The following STARD9 variants were observed in gnomAD, a reference collection of about 807,000 sequenced individuals.
STARD9 encodes the protein StAR related lipid transfer domain containing 9.
In STARD9, 346 loss-of-function variants were observed where a neutral mutation model predicts 399.8. That is an observed-to-expected ratio of 0.87 (90% CI 0.79 to 0.95). The LOEUF is 0.95. STARD9 is among the 40% of genes least tolerant of loss of function. The probability of loss-of-function intolerance (pLI) is 0.00; values close to 1 mark genes in which losing one functional copy is unlikely to be tolerated. For synonymous variants in STARD9, 2,203 were observed against 2,143.5 expected (o/e 1.03, Z -0.77); for missense variants, 5,832 against 5,667.5 (o/e 1.03, Z -0.93).
intron 9 of STARD9, among the ~76,000 whole-genome samples, chr15:42,660,584 C>CG (rs2059975211): frequency 8.2e-6 from 1 of 122,638 alleles, no homozygotes; most frequent in East Asian, 2.3e-4. Context: ...AACAGACAAA[C>CG]AAAAAAAAAA....
intron 12 of STARD9, 29 bp downstream of exon 12, chr15:42,663,519 G>T (rs941564374): frequency 7.9e-6 from 12 of 1,526,262 alleles, no homozygotes; most frequent in African/African-American, 2.7e-5. Context: ...CTGGACCTGT[G>T]TTGGGACTGG....
intron 3 of STARD9, among the ~76,000 whole-genome samples, chr15:42,612,799 C>T (rs559458138): frequency 3.9e-5 from 6 of 152,236 alleles, no homozygotes; most frequent in African/African-American, 1.2e-4. Flanking sequence ...GCCTGGCCAA[C>T]GTGGTGAAAC....
At chr15:42,602,840 C>T (rs1566866314) in intron 3 of STARD9, among the ~76,000 whole-genome samples, 1 of 152,192 alleles carries the variant, frequency 6.6e-6, no homozygotes, top group African/African-American at 2.4e-5. Flanking sequence ...GAAGCCAAGA[C>T]CCCCAACTCC....
At chr15:42,618,936 C>G (rs2059029304) in intron 3 of STARD9, among the ~76,000 whole-genome samples, 3 of 151,842 alleles carry the variant, frequency 2.0e-5, no homozygotes, top group Admixed American at 2.0e-4. Context: ...TAATCTTTTC[C>G]TATCTTAATC....
rs1014471053 is a variant in STARD9, at chr15:42,687,958, A to G, written c.6380A>G (p.Asp2127Gly). The G allele has an allele frequency of 1.3e-6, 2 of 1,537,272 alleles. No homozygotes were observed. The highest frequency in any genetic ancestry group is 1.7e-6 in the Non-Finnish European group (2 of 1,146,964). Residue 2127 changes from aspartate to glycine, a missense_variant, in exon 23 of 33, where the codon GAT becomes GGT. By Grantham distance (94) the Asp-to-Gly change is moderately conservative. Around this residue, in one of 2 missense-constraint regions of STARD9, gnomAD observed 5,828 missense variants for 5,651.1 expected, o/e 1.03. Coordinates refer to ENST00000290607, the MANE Select transcript of STARD9 (RefSeq NM_020759.3). ...CAGACAGATGATACTGTCTTTAGGG[A>G]TAGTGAAGCTGGAGCGATGGAGGTT... ...PRQTDDTVFRDSEAGAMEVNS... is the reference protein window; with the variant it reads ...PRQTDDTVFRGSEAGAMEVNS...
Position 42,693,124 on chromosome 15 carries a change from A to G in STARD9, c.11546A>G (p.Glu3849Gly). The G allele has an allele frequency of 1.3e-6, 2 of 1,537,122 alleles. No homozygotes were observed. Among genetic ancestry groups the G allele is most frequent in the Non-Finnish European group, 1.7e-6 (2 of 1,146,886 alleles). Residue 3849 changes from glutamate (E) to glycine (G), a missense_variant, in exon 23 of 33, where the codon GAG becomes GGG. Transcript: ENST00000290607. ...DAFLPPSSQP[E>G]ESYCLVVSSP... ...TTCCTGCCTCCCAGCTCCCAGCCAG[A>G]GGAGTCATATTGCTTAGTTGTCAGC...
chr15:42,596,527 A>G (rs2058508532), intron 3 of STARD9, among the ~76,000 whole-genome samples: 1 of 152,218 alleles, frequency 6.6e-6, no homozygotes, highest in Admixed American at 6.5e-5. Context: ...TGTCCACCAC[A>G]GTAGACAGGC....
intron 16 of STARD9, chr15:42,671,126 A>T (rs1195572125): frequency 9.4e-5 from 9 of 96,036 alleles, no homozygotes; most frequent in South Asian, 8.2e-4. Flanking sequence ...AGGATTGCTG[A>T]TTTTTTTTTT....
intron 9 of STARD9, 38 bp from the exon 10 acceptor site, chr15:42,661,120 C>T (rs773091357): frequency 4.4e-5 from 63 of 1,434,334 alleles, no homozygotes; most frequent in Middle Eastern, 1.7e-4. Flanking sequence ...CAATACAAAT[C>T]GTTCCAAATG....
intron 26 of STARD9, among the ~76,000 whole-genome samples, chr15:42,714,211 C>T (rs1292711703): frequency 1.3e-5 from 2 of 151,928 alleles, no homozygotes; most frequent in Non-Finnish European, 2.9e-5. Context: ...TACAGGCGCC[C>T]TCCACCATGC....
intron 26 of STARD9, among the ~76,000 whole-genome samples, chr15:42,714,258 G>C (rs964742187): frequency 2.6e-5 from 4 of 151,814 alleles, no homozygotes; most frequent in Non-Finnish European, 5.9e-5. Context: ...GTGGAGACAG[G>C]GGTTTCACCA....
At chr15:42,711,485 C>G (rs1349810596) in intron 26 of STARD9, among the ~76,000 whole-genome samples, 1 of 152,128 alleles carries the variant, frequency 6.6e-6, no homozygotes, top group Non-Finnish European at 1.5e-5. Flanking sequence ...GATTTAGGGA[C>G]CACTCTAATC....
chr15:42,685,102 C>T lies in STARD9; in HGVS notation c.3524C>T (p.Pro1175Leu). ...CGTCCCACCAACAACCGTGGCCAAC[C>T]CAGGACCAGAACTAGAGCTTCTGTG... ...GNRPTNNRGQ[P>L]RTRTRASVRG... Residue 1175 changes from proline (P) to leucine (L), a missense_variant, in exon 23 of 33, where the codon CCC (proline) becomes CTC (leucine). Physicochemically the swap from Pro to Leu is moderately conservative, Grantham distance 98. This residue lies in a region of STARD9 where 5,828 missense variants were observed against 5,651.1 expected (regional missense o/e 1.03). Transcript: ENST00000290607. 2.0e-6 allele frequency: 3 copies of T among 1,537,198 alleles called. No homozygotes were observed. The highest frequency in any genetic ancestry group is 2.6e-6 in the Non-Finnish European group (3 of 1,146,922).
intron 1 of STARD9, among the ~76,000 whole-genome samples, chr15:42,579,087 C>T (rs2058116369): frequency 1.3e-5 from 2 of 152,150 alleles, no homozygotes; most frequent in South Asian, 4.1e-4. Flanking sequence ...TTTAATCTTT[C>T]TATGAGGGGA....
intron 7 of STARD9, among the ~76,000 whole-genome samples, chr15:42,647,361 A>T (rs2059665628): frequency 6.6e-6 from 1 of 152,194 alleles, no homozygotes; most frequent in Non-Finnish European, 1.5e-5. Flanking sequence ...ATGAGTATGG[A>T]TGCCTTTTTC....
intron 3 of STARD9, among the ~76,000 whole-genome samples, chr15:42,597,375 AT>A (rs200261102): frequency 1.5e-3 from 229 of 149,486 alleles, no homozygotes; most frequent in Middle Eastern, 3.4e-3. Flanking sequence ...ATGTATATTT[AT>A]TTTTTTTTTG....
chr15:42,645,609 AG>A (rs2059629948), intron 7 of STARD9, among the ~76,000 whole-genome samples: 2 of 149,184 alleles, frequency 1.3e-5, no homozygotes, highest in South Asian at 4.3e-4. Context: ...TCTGTCACCC[AG>A]TCTGGAGTGC....
intron 3 of STARD9, among the ~76,000 whole-genome samples, chr15:42,629,592 T>A (rs932712025): frequency 2.0e-5 from 3 of 152,222 alleles, no homozygotes; most frequent in Admixed American, 2.0e-4. Context: ...CCTTTCCAAT[T>A]TGAATGCTTT....
intron 20 of STARD9, among the ~76,000 whole-genome samples, chr15:42,679,612 A>T (rs1197947823): frequency 6.6e-6 from 1 of 152,146 alleles, no homozygotes; most frequent in East Asian, 1.9e-4. Flanking sequence ...CTGCGTTATG[A>T]AATCTTAATT....
Sources: gnomAD v4.1 joint callset for allele counts (sites outside exome capture counted in the v4.1 genomes callset) on GRCh38, gnomAD v4.1.1 for gene constraint, gnomAD v4.1.1 regional missense constraint, MANE v1.5 for transcripts, NCBI Gene and HGNC (gene_info 2026-07-23, HGNC 2026-07-21) for gene names.